The following INVS variants were observed in gnomAD, a reference collection of about 807,000 sequenced individuals.
The protein encoded by INVS is inversion of embryo turning homolog.
INVS carries 86 observed loss-of-function variants against 108.8 expected under a neutral mutation model. That is an observed-to-expected ratio of 0.79 (90% CI 0.66 to 0.95). The LOEUF is 0.95. Ranked by LOEUF, INVS falls within the 40% of genes least tolerant of loss-of-function variation. The pLI, the probability that INVS is intolerant of heterozygous loss-of-function variation, is 0.00. For missense variants in INVS, 1,169 were observed against 1,297.4 expected (o/e 0.90, Z 1.52); for synonymous variants, 455 against 473.5 (o/e 0.96, Z 0.51).
chr9:100,103,428 A>T (rs895992755), intron 1 of INVS, among the ~76,000 whole-genome samples: 51 of 151,716 alleles, frequency 3.4e-4, no homozygotes, highest in Non-Finnish European at 6.3e-4. Flanking sequence ...GGAGTTCGAG[A>T]CCAGCCTGGC....
rs775392545 is a variant in INVS at position 100,298,947 on chromosome 9, C to T, written c.3091+937C>T. On this transcript the variant is annotated intron_variant, in intron 16 of 16. Coordinates refer to ENST00000262457, the MANE Select transcript of INVS (RefSeq NM_014425.5). ...AGAATCATTTCAAAAACAGAATTGT[C>T]AGATATCACTACCAGAGAAGTGGCA... is the stretch of plus-strand genomic sequence containing the variant. Among the ~76,000 whole-genome samples the T allele has an allele frequency of 3.3e-5, 5 of 152,262 alleles. No homozygotes were observed. The East Asian group carries it at 9.6e-4, about 29-fold the overall frequency.
At chr9:100,187,219 A>T (rs935343796) in intron 3 of INVS, among the ~76,000 whole-genome samples, 1 of 152,036 alleles carries the variant, frequency 6.6e-6, no homozygotes, top group African/African-American at 2.4e-5. Context: ...CTGTACATCT[A>T]TTTTCATACC....
chr9:100,278,231 CAAAAA>C (rs750217205), intron 12 of INVS, among the ~76,000 whole-genome samples: 6 of 83,112 alleles, frequency 7.2e-5, no homozygotes, highest in South Asian at 5.2e-4. Flanking sequence ...GACCCTGTCT[CAAAAA>C]AAAAAAAAAA....
Position 100,112,626 on chromosome 9 carries a change from A to G in INVS, c.106+7999A>G, listed in dbSNP as rs117304582. Among the ~76,000 whole-genome samples, 292 of 152,100 alleles carry G rather than the reference A, an allele frequency of 1.9e-3. 3 individuals carry two copies. The East Asian group carries it at 0.053, about 28-fold the overall frequency. On this transcript the variant is annotated intron_variant, in intron 2 of 16. Transcript: ENST00000262457. ...ATTGGAAGAAGAATTGTCTTGGGCT[A>G]CACATAAAATACACTAACACTAACA...
chr9:100,127,956 G>T (rs189364703), intron 3 of INVS, among the ~76,000 whole-genome samples: 2 of 152,166 alleles, frequency 1.3e-5, no homozygotes, highest in South Asian at 2.1e-4. Context: ...GGGAAAAGCC[G>T]CAAAATTAAG....
chr9:100,214,418 A>G (rs1271565242), intron 3 of INVS, among the ~76,000 whole-genome samples: 1 of 152,162 alleles, frequency 6.6e-6, no homozygotes, highest in African/African-American at 2.4e-5. Flanking sequence ...CATGTAGCCT[A>G]AAGAGGCTGA....
At chr9:100,223,078 C>G (rs1821665954) in intron 3 of INVS, among the ~76,000 whole-genome samples, 1 of 151,446 alleles carries the variant, frequency 6.6e-6, no homozygotes, top group African/African-American at 2.4e-5. Flanking sequence ...GAATTTTTAT[C>G]ATTTATTTAT....
intron 3 of INVS, among the ~76,000 whole-genome samples, chr9:100,157,267 CTT>C (rs770493291): frequency 8.5e-5 from 11 of 130,060 alleles, no homozygotes; most frequent in Admixed American, 2.3e-4. Flanking sequence ...TCTTTTTTTT[CTT>C]TTTTTTTTTT....
At chr9:100,211,822 C>T (rs1830839561) in intron 3 of INVS, among the ~76,000 whole-genome samples, 1 of 152,170 alleles carries the variant, frequency 6.6e-6, no homozygotes, top group African/African-American at 2.4e-5. Context: ...AATAAAGCTC[C>T]TATTCTGTCT....
At chr9:100,186,345 G>A (rs778097796) in intron 3 of INVS, among the ~76,000 whole-genome samples, 1 of 151,976 alleles carries the variant, frequency 6.6e-6, no homozygotes, top group Non-Finnish European at 1.5e-5. Context: ...TAGAGACGGG[G>A]TTTCACCATC....
intron 3 of INVS, among the ~76,000 whole-genome samples, chr9:100,172,592 G>A (rs1829576036): frequency 6.6e-6 from 1 of 152,188 alleles, no homozygotes; most frequent in Non-Finnish European, 1.5e-5. Flanking sequence ...CTTGGACAAG[G>A]AAAGCTCTAA....
chr9:100,159,849 G>T (rs553335116), intron 3 of INVS, among the ~76,000 whole-genome samples: 2 of 152,090 alleles, frequency 1.3e-5, no homozygotes, highest in East Asian at 3.9e-4. Flanking sequence ...CTAATGAATC[G>T]ACTCTGATGA....
At chr9:100,270,748 CAAAAAAAA>C (rs746291227) in intron 11 of INVS, among the ~76,000 whole-genome samples, 6 of 47,210 alleles carry the variant, frequency 1.3e-4, no homozygotes, top group African/African-American at 3.4e-4. Context: ...AACTCCATCT[CAAAAAAAA>C]AAAAAAAAAA....
intron 11 of INVS, among the ~76,000 whole-genome samples, chr9:100,272,136 G>A (rs1832976090): frequency 6.6e-6 from 1 of 152,216 alleles, no homozygotes; most frequent in Non-Finnish European, 1.5e-5. Flanking sequence ...CCAAAGTGCT[G>A]CGATTACAGG....
At position 100,158,769 on chromosome 9, in the gene INVS, A is replaced by T. The variant is rs565618748; in HGVS notation, c.273+32220A>T. Among the ~76,000 whole-genome samples, 66 of 152,316 alleles carry T rather than the reference A, an allele frequency of 4.3e-4. 1 individual carries two copies. Among genetic ancestry groups the T allele is most frequent in the African/African-American group, 1.5e-3 (61 of 41,568 alleles). The stretch of plus-strand genomic sequence containing the variant: ...CCTCCAAATCCCGCGTTGAAATTTG[A>T]TCCCCAGTGGTTGGAAGAGGGGCCT... On this transcript the variant is annotated intron_variant, in intron 3 of 16. Transcript: ENST00000262457.
At position 100,191,743 on chromosome 9, in the gene INVS, C is replaced by G. The variant is rs538566366; in HGVS notation, c.274-34319C>G. Among the ~76,000 whole-genome samples, 3 of 152,238 alleles carry G rather than the reference C, an allele frequency of 2.0e-5. No individual in the cohort carries two copies. In the South Asian group the frequency reaches 6.2e-4, roughly 32 times the overall value. ...GAGTTAGTGTGATCTTTTGTGGGTA[C>G]TGTAGAACCCTGTTTTGTCATATTG... On this transcript the variant is annotated intron_variant, in intron 3 of 16. Coordinates refer to ENST00000262457, the MANE Select transcript of INVS (RefSeq NM_014425.5).
intron 2 of INVS, among the ~76,000 whole-genome samples, chr9:100,106,266 G>C (rs1564115169): frequency 6.6e-6 from 1 of 152,144 alleles, no homozygotes; most frequent in Non-Finnish European, 1.5e-5. Context: ...TTAAAGGCCA[G>C]TTCTTCCACA....
intron 10 of INVS, among the ~76,000 whole-genome samples, chr9:100,259,890 G>A (rs554731923): frequency 1.3e-5 from 2 of 151,416 alleles, no homozygotes; most frequent in South Asian, 4.2e-4. Context: ...TTTGTTTGTT[G>A]AGATGGAGTC....
At chr9:100,127,370 A>T (rs1391919143) in intron 3 of INVS, among the ~76,000 whole-genome samples, 1 of 152,148 alleles carries the variant, frequency 6.6e-6, no homozygotes, top group Non-Finnish European at 1.5e-5. Flanking sequence ...TATTATTAAG[A>T]GCTCAGATTT....
Sources: gnomAD v4.1 joint callset for allele counts (sites outside exome capture counted in the v4.1 genomes callset) on GRCh38, gnomAD v4.1.1 for gene constraint, MANE v1.5 for transcripts, NCBI Gene and HGNC (gene_info 2026-07-23, HGNC 2026-07-21) for gene names.